USP7: variants seen among roughly 807,000 people sequenced by gnomAD.
The protein encoded by USP7 is ubiquitin C-terminal hydrolase 7.
USP7 carries 9 observed loss-of-function variants against 162.9 expected under a neutral mutation model. The observed-to-expected ratio is 0.06, with a 90% confidence interval of 0.03 to 0.10. The LOEUF (loss-of-function observed/expected upper bound fraction) is 0.10. Among genes scored for constraint, USP7 ranks in the 10% least tolerant of loss-of-function variants. USP7 has a pLI of 1.00. For synonymous variants in USP7, 562 were observed against 475.9 expected (o/e 1.18, Z -2.35); for missense variants, 715 against 1,373.7 (o/e 0.52, Z 7.58).
intron 2 of USP7, among the ~76,000 whole-genome samples, chr16:8,926,575 G>A (rs943476558): frequency 3.3e-5 from 5 of 152,192 alleles, no homozygotes; most frequent in Admixed American, 6.5e-5. Context: ...GTCCTCCTAC[G>A]AGGAATTACA....
chr16:8,921,796 C>A (rs1393210331), intron 3 of USP7, among the ~76,000 whole-genome samples: 1 of 152,220 alleles, frequency 6.6e-6, no homozygotes, highest in Non-Finnish European at 1.5e-5. Context: ...AAGAGAACTA[C>A]TGTACCTGCA....
chr16:8,898,932 G>A (rs1272979607), intron 23 of USP7, among the ~76,000 whole-genome samples, 189 bp downstream of exon 23: 1 of 152,204 alleles, frequency 6.6e-6, no homozygotes, highest in Non-Finnish European at 1.5e-5. Flanking sequence ...TTTGGATGAG[G>A]CTGTCAATTA....
At chr16:8,941,616 G>C (rs958798578) in intron 1 of USP7, among the ~76,000 whole-genome samples, 1 of 152,224 alleles carries the variant, frequency 6.6e-6, no homozygotes, top group Non-Finnish European at 1.5e-5. Context: ...AATTCGCTTA[G>C]TATCTTCCTT....
intron 7 of USP7, 77 bp from the exon 8 acceptor site, chr16:8,916,633 A>C (rs1897384930): frequency 2.9e-6 from 4 of 1,380,484 alleles, no homozygotes; most frequent in Middle Eastern, 1.8e-4. Flanking sequence ...TTAGATTGAA[A>C]ACCTAAACTG....
At chr16:8,920,311 G>A (rs370299829) in intron 5 of USP7, 48 bp downstream of exon 5, 103 of 1,509,674 alleles carry the variant, frequency 6.8e-5, no homozygotes, top group Non-Finnish European at 8.6e-5. Flanking sequence ...TTCTTTCACT[G>A]CAGCACAAAA....
In USP7 at chr16:8,897,726, A is replaced by AAAAAAAAAAATAT. The variant is rs1555461671; in HGVS notation, c.2719-628_2719-627insATATTTTTTTTTT. On this transcript the variant is annotated intron_variant, in intron 25 of 30. Coordinates refer to ENST00000344836, the MANE Select transcript of USP7 (RefSeq NM_003470.3). ...AAAAAAAAAAAAAAAAAAAAAAAAA[A>AAAAAAAAAAATAT]ATATATATATATATATATATAAATG... Among the ~76,000 whole-genome samples, 3 of 7,138 alleles carry AAAAAAAAAAATAT rather than the reference A, an allele frequency of 4.2e-4. 1 individual carries two copies. The highest frequency in any genetic ancestry group is 1.1e-3 in the African/African-American group (2 of 1,792). 4.7% of individuals were successfully genotyped at this position (7,138 alleles called of 152,430 possible).
intron 1 of USP7, chr16:8,936,779 C>A: frequency 7.6e-7 from 1 of 1,307,434 alleles, no homozygotes; most frequent in Non-Finnish European, 9.8e-7. Context: ...ATTCAAGCAA[C>A]CTCAATTTAG....
rs375578803 is a variant in USP7, at chr16:8,956,776, C to CAAAA, written c.79+6427_79+6430dup. Among the ~76,000 whole-genome samples the CAAAA allele has an allele frequency of 8.4e-3, 1,238 of 147,674 alleles. 13 individuals are homozygous for CAAAA. Among genetic ancestry groups the CAAAA allele is most frequent in the Middle Eastern group, 0.021 (6 of 286 alleles). On this transcript the variant is annotated intron_variant, in intron 1 of 30. Coordinates refer to ENST00000344836, the MANE Select transcript of USP7 (RefSeq NM_003470.3). ...AGACTTCGTATTAAAAAAACAAAAA[C>CAAAA]AAAAAAAAAAAAACACTGAATTTGC...
chr16:8,911,946 G>A (rs1257730840), intron 10 of USP7, among the ~76,000 whole-genome samples: 3 of 152,132 alleles, frequency 2.0e-5, no homozygotes, highest in Non-Finnish European at 4.4e-5. Flanking sequence ...TGAACACCTG[G>A]GAGACTCAGC....
At chr16:8,925,711 C>G (rs1236523940) in intron 2 of USP7, among the ~76,000 whole-genome samples, 1 of 152,300 alleles carries the variant, frequency 6.6e-6, no homozygotes. Context: ...ACAATTAGTG[C>G]ACTGCACACT....
intron 10 of USP7, among the ~76,000 whole-genome samples, chr16:8,914,247 C>A (rs1359223172): frequency 6.6e-6 from 1 of 152,038 alleles, no homozygotes; most frequent in Non-Finnish European, 1.5e-5. Flanking sequence ...ACTATACTCC[C>A]ACCAAAATCT....
chr16:8,931,727 C>G (rs1446297637), intron 1 of USP7, among the ~76,000 whole-genome samples: 2 of 152,204 alleles, frequency 1.3e-5, no homozygotes, highest in African/African-American at 4.8e-5. Flanking sequence ...GCATAAATTT[C>G]TCACACTCAC....
chr16:8,895,796 A>T (rs879647850), intron 26 of USP7, 55 bp from the exon 27 acceptor site: 45 of 1,242,006 alleles, frequency 3.6e-5, no homozygotes, highest in Non-Finnish European at 5.1e-5. Context: ...ATTCACATAA[A>T]AATAAAATGG....
At chr16:8,894,961 T>C in intron 28 of USP7, 70 bp downstream of exon 28, 4 of 1,613,350 alleles carry the variant, frequency 2.5e-6, no homozygotes, top group Middle Eastern at 1.7e-4. Context: ...GGAGCGCAGA[T>C]TCGGCAACAG....
At chr16:8,905,040 A>G in intron 14 of USP7, 147 bp downstream of exon 14, 1 of 919,112 alleles carries the variant, frequency 1.1e-6, no homozygotes, top group Non-Finnish European at 1.6e-6. Flanking sequence ...GAAACGCGCA[A>G]GCCCAACCCT....
Position 8,896,939 on chromosome 16 carries a change from G to C in USP7, c.2819+60C>G, listed in dbSNP as rs2061690438. On this transcript the variant is annotated intron_variant, in intron 26 of 30. Transcript: ENST00000344836. ...TGATTTCCACCAACGCAACTGCAGAGGTCAGCGTTAACTGCCACCCCTAAC... is the reference window on the plus strand; with the variant it reads ...TGATTTCCACCAACGCAACTGCAGACGTCAGCGTTAACTGCCACCCCTAAC... 4 of 1,292,946 alleles carry C rather than the reference G, an allele frequency of 3.1e-6. No homozygotes were observed. The Admixed American group carries it at 6.7e-5, about 22-fold the overall frequency. The allele number at this position is 1,292,946 out of a possible 1,614,324, so 80.1% of individuals were successfully genotyped here. A position where few individuals can be genotyped will look rare whatever the true frequency, so the allele number is the denominator to read the frequency against.
chr16:8,936,146 G>C (rs936597397), intron 1 of USP7, among the ~76,000 whole-genome samples: 4 of 152,162 alleles, frequency 2.6e-5, no homozygotes, highest in African/African-American at 9.7e-5. Flanking sequence ...TGAAGACCCA[G>C]CTCGGCCTCT....
At chr16:8,926,783 C>T (rs988280484) in intron 2 of USP7, among the ~76,000 whole-genome samples, 1 of 152,190 alleles carries the variant, frequency 6.6e-6, no homozygotes, top group Non-Finnish European at 1.5e-5. Context: ...ATTTCATTAC[C>T]GCATGCTTCT....
rs1296659711 is a variant in USP7, at chr16:8,898,513, A to G, written c.2640+18T>C. The G allele has an allele frequency of 1.2e-6, 2 of 1,606,076 alleles. No homozygotes were observed. The highest frequency in any genetic ancestry group is 2.2e-5 in the South Asian group (2 of 89,476). ...CCTTCTCTTTATGACCCATAGTTAC[A>G]TTAATTTGGACTCATACCTGCTGAT... is the stretch of plus-strand genomic sequence containing the variant. On this transcript the variant is annotated intron_variant, in intron 24 of 30. Coordinates refer to ENST00000344836, the MANE Select transcript of USP7 (RefSeq NM_003470.3).
Sources: allele counts gnomAD v4.1 joint callset (sites outside exome capture counted in the v4.1 genomes callset), GRCh38; gene constraint gnomAD v4.1.1; transcripts MANE v1.5; gene names NCBI Gene and HGNC (gene_info 2026-07-23, HGNC 2026-07-21).